ARK2C: variants seen among roughly 807,000 people sequenced by gnomAD.
ARK2C encodes the protein arkadia (RNF111) C-terminal like ring finger ubiquitin ligase 2C.
chr18:46,366,320 T>TAG, the ARK2C span, among the ~76,000 whole-genome samples: 10 of 87,334 alleles, frequency 1.1e-4, no homozygotes, highest in East Asian at 3.9e-4. Flanking sequence ...AAAAAAAAAA[T>TAG]AGAGAGAGAG....
the ARK2C span, among the ~76,000 whole-genome samples, chr18:46,369,250 G>A: frequency 2.6e-5 from 4 of 152,332 alleles, no homozygotes; most frequent in East Asian, 5.8e-4. Context: ...ATTGAAGGGT[G>A]GTTCAAGGTG....
At chr18:46,368,679 G>A in the ARK2C span, among the ~76,000 whole-genome samples, 4 of 152,226 alleles carry the variant, frequency 2.6e-5, no homozygotes, top group African/African-American at 9.6e-5. Flanking sequence ...AAACCTGGCT[G>A]AGCATCAGGA....
the ARK2C span, among the ~76,000 whole-genome samples, chr18:46,401,716 G>A: frequency 3.9e-5 from 6 of 152,232 alleles, no homozygotes; most frequent in African/African-American, 7.2e-5. Flanking sequence ...AGTCAGCCCC[G>A]TGAGGTTCAG....
At chr18:46,412,466 C>T in the ARK2C span, among the ~76,000 whole-genome samples, 1 of 152,272 alleles carries the variant, frequency 6.6e-6, no homozygotes, top group Non-Finnish European at 1.5e-5. Context: ...GAGCAGAAAG[C>T]AGCCACCCTC....
At chr18:46,387,443 A>C in the ARK2C span, among the ~76,000 whole-genome samples, 1 of 152,250 alleles carries the variant, frequency 6.6e-6, no homozygotes, top group African/African-American at 2.4e-5. Flanking sequence ...ATTAGCTCTG[A>C]GGACAAGAAA....
chr18:46,364,645 A>C, the ARK2C span, among the ~76,000 whole-genome samples: 1 of 152,176 alleles, frequency 6.6e-6, no homozygotes, highest in African/African-American at 2.4e-5. Context: ...GCCAAAAGTG[A>C]GGCTGGAGGC....
chr18:46,334,194 C>CCGCCCG, the ARK2C span: 63 of 926,526 alleles, frequency 6.8e-5, no homozygotes, highest in Middle Eastern at 5.6e-4. This position sits in a 1 kb window ranked among gnomAD's most constrained non-coding sequence, Gnocchi z 4.4. Context: ...AGCCCCGCCG[C>CCGCCCG]CGCCCGCGCC....
the ARK2C span, among the ~76,000 whole-genome samples, chr18:46,358,344 T>C: frequency 0.11 from 16,332 of 152,010 alleles, 2,912 homozygotes; most frequent in African/African-American, 0.37. Flanking sequence ...TGTGAGGAAG[T>C]GAACGAGTGA....
At chr18:46,372,911 C>A in the ARK2C span, among the ~76,000 whole-genome samples, 1 of 152,248 alleles carries the variant, frequency 6.6e-6, no homozygotes, top group African/African-American at 2.4e-5. Flanking sequence ...CTGTGGCCTC[C>A]ACTTCTCCCT....
At chr18:46,406,987 A>T in the ARK2C span, among the ~76,000 whole-genome samples, 1 of 152,244 alleles carries the variant, frequency 6.6e-6, no homozygotes, top group Admixed American at 6.5e-5. Flanking sequence ...GTTTCCCTTT[A>T]AAAATGACTA....
the ARK2C span, among the ~76,000 whole-genome samples, chr18:46,430,044 C>T: frequency 2.0e-5 from 3 of 152,214 alleles, no homozygotes; most frequent in African/African-American, 7.2e-5. Context: ...GATCCCTGCG[C>T]AGCTGTGTGC....
chr18:46,352,384 G>A, the ARK2C span, among the ~76,000 whole-genome samples: 1 of 152,180 alleles, frequency 6.6e-6, no homozygotes, highest in East Asian at 1.9e-4. Context: ...GTGGACCAGA[G>A]CTCCCAAATC....
At chr18:46,388,961 T>G in the ARK2C span, among the ~76,000 whole-genome samples, 2 of 152,078 alleles carry the variant, frequency 1.3e-5, no homozygotes, top group African/African-American at 4.8e-5. Context: ...TCTGTGGCTG[T>G]TTATTGGATT....
chr18:46,348,911 TGTGTG>T, the ARK2C span, among the ~76,000 whole-genome samples: 1 of 144,800 alleles, frequency 6.9e-6, no homozygotes, highest in African/African-American at 2.7e-5. Flanking sequence ...TGTGTGTGTG[TGTGTG>T]TGTGTGTGTG....
the ARK2C span, among the ~76,000 whole-genome samples, chr18:46,382,187 A>G: frequency 1.2e-3 from 179 of 152,298 alleles, 2 homozygotes; most frequent in Middle Eastern, 3.4e-3. Context: ...GGTAACACCC[A>G]TCCCTCCTGG....
At chr18:46,334,250 C>A in the ARK2C span, 24 of 1,462,296 alleles carry the variant, frequency 1.6e-5, no homozygotes, top group African/African-American at 3.2e-4. The surrounding 1 kb of genome is among the most constrained non-coding windows in gnomAD (Gnocchi z 4.4). Context: ...CAGCCGCCGC[C>A]GCCGCCGCCG....
At chr18:46,446,887 C>T in the ARK2C span, among the ~76,000 whole-genome samples, 1 of 152,194 alleles carries the variant, frequency 6.6e-6, no homozygotes, top group African/African-American at 2.4e-5. Context: ...AGGACTGCTT[C>T]TGAGCCCTTT....
At chr18:46,390,883 A>G in the ARK2C span, among the ~76,000 whole-genome samples, 1 of 152,200 alleles carries the variant, frequency 6.6e-6, no homozygotes, top group Non-Finnish European at 1.5e-5. Context: ...TGGATAAATC[A>G]CTTGAGGAAG....
chr18:46,375,992 A>G, the ARK2C span, among the ~76,000 whole-genome samples: 1 of 152,184 alleles, frequency 6.6e-6, no homozygotes, highest in Admixed American at 6.5e-5. Flanking sequence ...AGTGGATGAT[A>G]ATAGCTCAGA....
Sources: gnomAD v4.1 joint callset for allele counts (sites outside exome capture counted in the v4.1 genomes callset) on GRCh38, gnomAD v4.1.1 for gene constraint, Gnocchi (gnomAD v3.1) non-coding constraint, MANE v1.5 for transcripts, NCBI Gene and HGNC (gene_info 2026-07-23, HGNC 2026-07-21) for gene names.